KIAA0825: variants seen among roughly 807,000 people sequenced by gnomAD.
KIAA0825 encodes the protein KIAA0825.
Under a neutral mutation model 147.6 loss-of-function variants are expected in KIAA0825, and 119 were observed. The observed-to-expected ratio is 0.81, with a 90% CI of 0.69 to 0.94. KIAA0825 has a LOEUF of 0.94. Among genes scored for constraint, KIAA0825 ranks in the 40% least tolerant of loss-of-function variants. The pLI, the probability that KIAA0825 is intolerant of heterozygous loss-of-function variation, is 0.00. For missense variants in KIAA0825, 1,381 were observed against 1,472.7 expected (o/e 0.94, Z 1.02); for synonymous variants, 470 against 518.1 (o/e 0.91, Z 1.26).
chr5:94,488,169 T>C (rs916619171), intron 5 of KIAA0825, among the ~76,000 whole-genome samples: 4 of 152,222 alleles, frequency 2.6e-5, no homozygotes, highest in Non-Finnish European at 5.9e-5. Flanking sequence ...GTGCTGCGAT[T>C]ACAGGCGTGA....
chr5:94,299,328 C>T (rs1584039301), intron 20 of KIAA0825, among the ~76,000 whole-genome samples: 1 of 151,854 alleles, frequency 6.6e-6, no homozygotes, highest in Middle Eastern at 3.4e-3. Context: ...GCAATCCTTC[C>T]ATCTCAGCCT....
At chr5:94,242,110 G>C (rs1460181) in intron 20 of KIAA0825, among the ~76,000 whole-genome samples, 50,779 of 152,018 alleles carry the variant, frequency 0.33, 8,784 homozygotes, top group Admixed American at 0.43. Context: ...AAACTAAGTT[G>C]ATTGACAGGT....
At chr5:94,245,437 G>C (rs1775555530) in intron 20 of KIAA0825, among the ~76,000 whole-genome samples, 1 of 152,148 alleles carries the variant, frequency 6.6e-6, no homozygotes, top group Non-Finnish European at 1.5e-5. Flanking sequence ...TCTGAGTAGA[G>C]AAATCACAAT....
chr5:94,504,528 A>G (rs143947236), intron 5 of KIAA0825, among the ~76,000 whole-genome samples: 289 of 152,292 alleles, frequency 1.9e-3, no homozygotes, highest in African/African-American at 6.5e-3. Context: ...TGATTCCAAA[A>G]TGGTATTAAA....
chr5:94,428,143 TTGTGTGTGTGTGTGTGTGTG>T (rs61572627), intron 14 of KIAA0825, among the ~76,000 whole-genome samples: 493 of 134,580 alleles, frequency 3.7e-3, no homozygotes, highest in African/African-American at 0.013. Context: ...TAAGGTCTTG[TTGTGTGTGTGTGTGTGTGTG>T]TGTGTGTGTG....
At chr5:94,433,125 C>G (rs1755908020) in intron 14 of KIAA0825, among the ~76,000 whole-genome samples, 1 of 152,174 alleles carries the variant, frequency 6.6e-6, no homozygotes, top group Admixed American at 6.5e-5. Context: ...GCTCCACCTT[C>G]CGGGTTGACA....
chr5:94,251,213 CAG>C (rs535141813), intron 20 of KIAA0825, among the ~76,000 whole-genome samples: 249 of 152,142 alleles, frequency 1.6e-3, no homozygotes, highest in African/African-American at 5.3e-3. Context: ...GTTCAGCAAA[CAG>C]GGGAAAAAAC....
chr5:94,477,061 A>G, intron 7 of KIAA0825, 50 bp downstream of exon 7: 8 of 1,244,472 alleles, frequency 6.4e-6, no homozygotes, highest in Non-Finnish European at 9.2e-6. Context: ...TCACAGGCAT[A>G]TGATGATATT....
chr5:94,527,976 A>G (rs1056277366), intron 3 of KIAA0825, among the ~76,000 whole-genome samples: 4 of 152,092 alleles, frequency 2.6e-5, no homozygotes, highest in Admixed American at 1.3e-4. Flanking sequence ...AAGAATATTT[A>G]AAAAAGAATA....
intron 20 of KIAA0825, among the ~76,000 whole-genome samples, chr5:94,208,779 A>G (rs988880527): frequency 6.6e-6 from 1 of 152,216 alleles, no homozygotes; most frequent in Admixed American, 6.5e-5. Context: ...TTGTGAACAA[A>G]TGGAGCATAG....
intron 20 of KIAA0825, among the ~76,000 whole-genome samples, chr5:94,226,524 C>T (rs1404373691): frequency 6.6e-6 from 1 of 151,874 alleles, no homozygotes; most frequent in Admixed American, 6.6e-5. Context: ...GAGTATATAC[C>T]CATAGGATTA....
Position 94,593,374 on chromosome 5 carries a change from T to C in KIAA0825, c.-152-10791A>G. 2.9e-6 allele frequency: 3 copies of C among 1,023,032 alleles called. No homozygotes were observed. The East Asian group carries it at 7.2e-5, about 25-fold the overall frequency. 63.4% of individuals were successfully genotyped at this position (1,023,032 alleles called of 1,614,324 possible). On this transcript the variant is annotated intron_variant, in intron 1 of 20. Coordinates refer to ENST00000682413, the MANE Select transcript of KIAA0825 (RefSeq NM_001145678.3). ...TGTCTTGATGGTCAACATATCTTCTTTAATATCACGACATTTTCAAGAACA... is the reference window on the plus strand; with the variant it reads ...TGTCTTGATGGTCAACATATCTTCTCTAATATCACGACATTTTCAAGAACA...
chr5:94,558,303 G>A (rs1336287541), intron 2 of KIAA0825, among the ~76,000 whole-genome samples: 2 of 152,164 alleles, frequency 1.3e-5, no homozygotes, highest in African/African-American at 2.4e-5. Context: ...ACACTTAGAT[G>A]TATACTAAAT....
At position 94,562,919 on chromosome 5, in the gene KIAA0825, T is replaced by A. The variant is rs570074489; in HGVS notation, c.-2+19514A>T. 5.9e-5 allele frequency among the ~76,000 whole-genome samples: 9 copies of A among 152,322 alleles called. No individual in the cohort carries two copies. The East Asian group carries it at 1.7e-3, about 29-fold the overall frequency. ...CTTTAACTATTAAATAAATTTTAAATATCTAGAACACATTCTTGACGTAAT... is the reference window on the plus strand; with the variant it reads ...CTTTAACTATTAAATAAATTTTAAAAATCTAGAACACATTCTTGACGTAAT... On this transcript the variant is annotated intron_variant, in intron 2 of 20. Transcript: ENST00000682413.
At chr5:94,373,388 G>GT (rs1421546143) in intron 20 of KIAA0825, among the ~76,000 whole-genome samples, 2 of 152,096 alleles carry the variant, frequency 1.3e-5, no homozygotes, top group Admixed American at 6.6e-5. Context: ...AAGGAAAGAA[G>GT]TTTTTTATAA....
At chr5:94,247,407 A>T (rs1775686505) in intron 20 of KIAA0825, among the ~76,000 whole-genome samples, 1 of 152,098 alleles carries the variant, frequency 6.6e-6, no homozygotes. Flanking sequence ...AGGAAGGAGG[A>T]TCCTGGCATG....
At chr5:94,563,190 A>T (rs867510075) in intron 2 of KIAA0825, among the ~76,000 whole-genome samples, 3 of 108,030 alleles carry the variant, frequency 2.8e-5, no homozygotes, top group Non-Finnish European at 6.4e-5. Flanking sequence ...AAATACCAAA[A>T]AAAACAAAAA....
intron 1 of KIAA0825, among the ~76,000 whole-genome samples, chr5:94,607,038 G>A (rs116215486): frequency 0.016 from 2,425 of 152,240 alleles, 24 homozygotes; most frequent in Non-Finnish European, 0.025. Flanking sequence ...CCCAATAGGA[G>A]GGGACAAATG....
chr5:94,531,190 C>T (rs1770722587), intron 3 of KIAA0825, among the ~76,000 whole-genome samples: 1 of 152,164 alleles, frequency 6.6e-6, no homozygotes, highest in African/African-American at 2.4e-5. Context: ...TAACAATTAT[C>T]CAACAGAGCT....
Sources: allele counts gnomAD v4.1 joint callset (sites outside exome capture counted in the v4.1 genomes callset), GRCh38; gene constraint gnomAD v4.1.1; transcripts MANE v1.5; gene names NCBI Gene and HGNC (gene_info 2026-07-23, HGNC 2026-07-21).